The following PLXNA2 variants were observed in gnomAD, a reference collection of about 807,000 sequenced individuals.
The protein encoded by PLXNA2 is plexin-A2.
A neutral mutation model predicts 193.5 loss-of-function variants in PLXNA2; 91 were observed. That is an observed-to-expected ratio of 0.47 (90% confidence interval 0.40 to 0.56). PLXNA2 has a LOEUF of 0.56. Among genes scored for constraint, PLXNA2 ranks in the 20% least tolerant of loss-of-function variants. The pLI, the probability that PLXNA2 is intolerant of heterozygous loss-of-function variation, is 0.00. For missense variants in PLXNA2, 1,995 were observed against 2,503.2 expected (o/e 0.80, Z 4.33); for synonymous variants, 997 against 1,027.3 (o/e 0.97, Z 0.56).
At chr1:208,203,027 G>A (rs1176578183) in intron 3 of PLXNA2, among the ~76,000 whole-genome samples, 1 of 152,236 alleles carries the variant, frequency 6.6e-6, no homozygotes, top group Non-Finnish European at 1.5e-5. Context: ...TCTGGACAGA[G>A]CCGACATCTC....
At position 208,038,816 on chromosome 1, in the gene PLXNA2, GT is replaced by G; in HGVS notation, c.4660+8del. The stretch of plus-strand genomic sequence containing the variant: ...CCCTGCCCTCACACTCTGAGTCCAG[GT>G]TTCCTACCCAAGTCCATGTCCACTG... On this transcript the variant is annotated splice_region_variant and intron_variant, in intron 25 of 31. Coordinates refer to ENST00000367033, the MANE Select transcript of PLXNA2 (RefSeq NM_025179.4). This position sits in a 1 kb window ranked among gnomAD's most constrained non-coding sequence, Gnocchi z 4.1. 6.2e-7 allele frequency: 1 copy of G among 1,612,784 alleles called. No individual in the cohort carries two copies. Among genetic ancestry groups the G allele is most frequent in the Non-Finnish European group, 8.5e-7 (1 of 1,179,166 alleles).
chr1:208,150,660 T>G (rs1385652691), intron 3 of PLXNA2, among the ~76,000 whole-genome samples: 1 of 152,170 alleles, frequency 6.6e-6, no homozygotes, highest in Admixed American at 6.5e-5. Context: ...CTCTGCTCCC[T>G]CATCAGACAA....
chr1:208,214,605 T>C (rs1338574017), intron 2 of PLXNA2, among the ~76,000 whole-genome samples: 1 of 152,214 alleles, frequency 6.6e-6, no homozygotes, highest in Non-Finnish European at 1.5e-5. Context: ...GGTAGCCGTA[T>C]GGGCCCCTTG....
rs1343790081 is a variant in PLXNA2 at position 208,033,385 on chromosome 1, C to T, written c.4989G>A (p.Gln1663=). ...TCTTGCTGCCCCGGTCACCCTCCTT[C>T]TGGTCACCGTGGTCATGGTTCTTCA... ...HLVKNHDHGD[Q]KEGDRGSKMV... Residue 1663 remains glutamine (Q), a synonymous_variant, in exon 28 of 32, where the codon CAG becomes CAA. Transcript: ENST00000367033. 2 of 1,614,102 alleles carry T rather than the reference C, an allele frequency of 1.2e-6. No homozygotes were observed. Among genetic ancestry groups the T allele is most frequent in the African/African-American group, 2.7e-5 (2 of 74,950 alleles).
chr1:208,243,038 C>T (rs1672110540), intron 1 of PLXNA2, among the ~76,000 whole-genome samples: 2 of 152,186 alleles, frequency 1.3e-5, no homozygotes, highest in African/African-American at 4.8e-5. Context: ...GCAAAGGGAG[C>T]CCCGGGAGAT....
chr1:208,033,570 C>T (rs1042073001), intron 27 of PLXNA2, 61 bp from the exon 28 acceptor site: 3 of 1,407,186 alleles, frequency 2.1e-6, no homozygotes, highest in Non-Finnish European at 2.9e-6. Context: ...CTTGTAGAAT[C>T]CTTCCAGAAT....
At chr1:208,211,384 C>T (rs1057371913) in intron 2 of PLXNA2, among the ~76,000 whole-genome samples, 4 of 152,068 alleles carry the variant, frequency 2.6e-5, no homozygotes, top group African/African-American at 9.7e-5. Flanking sequence ...GAAAGAAGAT[C>T]ACCTTGAGCA....
chr1:208,164,305 C>T (rs1209612719), intron 3 of PLXNA2, among the ~76,000 whole-genome samples: 1 of 152,190 alleles, frequency 6.6e-6, no homozygotes, highest in Admixed American at 6.5e-5. Context: ...CAACATCTAC[C>T]TGAGGAGGCG....
intron 3 of PLXNA2, among the ~76,000 whole-genome samples, chr1:208,208,132 C>A (rs1670798249): frequency 6.6e-6 from 1 of 152,228 alleles, no homozygotes. Context: ...ACTCAAGGTC[C>A]CTTTGTATCT....
chr1:208,181,865 C>T lies in PLXNA2; in HGVS notation c.1371+28415G>A, dbSNP rs114987496. On this transcript the variant is annotated intron_variant, in intron 3 of 31. Transcript: ENST00000367033. ...GCTTTTGGGAGGCAAATGTTCTCCT[C>T]CAACTTTCTTATTTTGAAATTTTGC... Among the ~76,000 whole-genome samples, 982 of 152,282 alleles carry T rather than the reference C, an allele frequency of 6.4e-3. 13 individuals carry two copies. The highest frequency in any genetic ancestry group is 0.022 in the African/African-American group (929 of 41,536).
intron 3 of PLXNA2, among the ~76,000 whole-genome samples, chr1:208,150,739 C>T (rs1042729545): frequency 6.6e-6 from 1 of 152,182 alleles, no homozygotes; most frequent in Non-Finnish European, 1.5e-5. Flanking sequence ...GTGGCCCCTG[C>T]TCCATGCCTT....
At chr1:208,042,071 C>T (rs765069618) in intron 22 of PLXNA2, 27 bp downstream of exon 22, 10 of 1,607,584 alleles carry the variant, frequency 6.2e-6, no homozygotes, top group East Asian at 4.5e-5. Context: ...TCCTGCCACC[C>T]TCTCCACCCA....
intron 1 of PLXNA2, among the ~76,000 whole-genome samples, chr1:208,223,863 G>A (rs761333159): frequency 1.1e-4 from 16 of 152,198 alleles, no homozygotes; most frequent in Admixed American, 3.3e-4. Flanking sequence ...TTCTGATATT[G>A]AATTTTCCTG....
At chr1:208,241,368 G>C (rs1672044284) in intron 1 of PLXNA2, among the ~76,000 whole-genome samples, 1 of 152,228 alleles carries the variant, frequency 6.6e-6, no homozygotes, top group African/African-American at 2.4e-5. Flanking sequence ...TAGGTATTCA[G>C]ACTAGCTCTG....
At chr1:208,224,494 T>C (rs1671450555) in intron 1 of PLXNA2, among the ~76,000 whole-genome samples, 1 of 151,136 alleles carries the variant, frequency 6.6e-6, no homozygotes, top group Admixed American at 6.6e-5. Context: ...TTGTTATTAG[T>C]ATATTTTATG....
intron 3 of PLXNA2, among the ~76,000 whole-genome samples, chr1:208,151,835 T>C (rs1668773672): frequency 6.6e-6 from 1 of 152,240 alleles, no homozygotes; most frequent in Non-Finnish European, 1.5e-5. Flanking sequence ...AACTCTTTTA[T>C]TCTGCCTCCC....
At chr1:208,242,420 A>G (rs950830895) in intron 1 of PLXNA2, among the ~76,000 whole-genome samples, 48 of 152,036 alleles carry the variant, frequency 3.2e-4, no homozygotes, top group Admixed American at 3.0e-3. Context: ...TGTGCCCCCA[A>G]ATTTCTGTGG....
chr1:208,149,335 G>A (rs923191192), intron 3 of PLXNA2, among the ~76,000 whole-genome samples: 5 of 151,922 alleles, frequency 3.3e-5, no homozygotes, highest in African/African-American at 1.2e-4. Context: ...TGAGTGTGGT[G>A]TGTATGTGTT....
Position 208,028,740 on chromosome 1 carries a change from C to G in PLXNA2, c.5438+90G>C. On this transcript the variant is annotated intron_variant, in intron 30 of 31. Coordinates refer to ENST00000367033, the MANE Select transcript of PLXNA2 (RefSeq NM_025179.4). This position sits in a 1 kb window ranked among gnomAD's most constrained non-coding sequence, Gnocchi z 4.2. ...GAGGTCCTGAAGAGATGACAGACAC[C>G]GTCGTCTGAGTCCTTAGTCAGTGAT... The G allele has an allele frequency of 8.4e-7, 1 of 1,195,026 alleles. No individual in the cohort carries two copies. The highest frequency in any genetic ancestry group is 1.2e-6 in the Non-Finnish European group (1 of 836,458). 74.0% of individuals were successfully genotyped at this position (1,195,026 alleles called of 1,614,324 possible).
Sources: allele counts gnomAD v4.1 joint callset (sites outside exome capture counted in the v4.1 genomes callset), GRCh38; gene constraint gnomAD v4.1.1; non-coding constraint Gnocchi (gnomAD v3.1); transcripts MANE v1.5; gene names NCBI Gene and HGNC (gene_info 2026-07-23, HGNC 2026-07-21).